Variants in PTPN6 observed in about 807,000 individuals in gnomAD.
PTPN6 encodes tyrosine-protein phosphatase non-receptor type 6.
Under a neutral mutation model 81.5 loss-of-function variants are expected in PTPN6, and 18 were observed. The observed-to-expected ratio is 0.22, with a 90% CI of 0.15 to 0.33. PTPN6 has a LOEUF of 0.33. Ranked by LOEUF, PTPN6 falls within the 10% of genes least tolerant of loss-of-function variation. The pLI, the probability that PTPN6 is intolerant of heterozygous loss-of-function variation, is 1.00. For synonymous variants in PTPN6, 301 were observed against 310.9 expected (o/e 0.97, Z 0.33); for missense variants, 500 against 794.2 (o/e 0.63, Z 4.45).
Position 6,959,853 on chromosome 12 carries a change from G to C in PTPN6, c.1362-74G>C. On this transcript the variant is annotated intron_variant, in intron 11 of 15. Coordinates refer to ENST00000318974, the MANE Select transcript of PTPN6 (RefSeq NM_002831.6). This position sits in a 1 kb window ranked among gnomAD's most constrained non-coding sequence, Gnocchi z 6.6. ...GCTGCTCCTGTGGTGCCTGGGGCTGGAGCTGAGCGCTGGGTACCCCCCTTC... is the reference window on the plus strand; with the variant it reads ...GCTGCTCCTGTGGTGCCTGGGGCTGCAGCTGAGCGCTGGGTACCCCCCTTC... The C allele has an allele frequency of 2.0e-6, 3 of 1,516,112 alleles. No homozygotes were observed. The highest frequency in any genetic ancestry group is 2.7e-6 in the Non-Finnish European group (3 of 1,096,454). 93.9% of individuals were successfully genotyped at this position (1,516,112 alleles called of 1,614,324 possible).
chr12:6,960,457 T>C lies in PTPN6; in HGVS notation c.1673+22T>C, dbSNP rs759052. The stretch of plus-strand genomic sequence containing the variant: ...CCAAGTGAGTGGCCCTGACTGCCAC[T>C]GCCCGGCATCCACCCCTTTGTCCTG... On this transcript the variant is annotated intron_variant, in intron 14 of 15. Coordinates refer to ENST00000318974, the MANE Select transcript of PTPN6 (RefSeq NM_002831.6). The surrounding 1 kb of genome is among the most constrained non-coding windows in gnomAD (Gnocchi z 6.1). The C allele has an allele frequency of 0.86, 1,383,051 of 1,606,846 alleles. 599,355 individuals are homozygous for C. Among genetic ancestry groups the C allele is most frequent in the South Asian group, 0.88 (80,373 of 90,892 alleles).
In PTPN6 at chr12:6,960,330, C is replaced by A; in HGVS notation, c.1582-14C>A. On this transcript the variant is annotated splice_polypyrimidine_tract_variant and intron_variant, in intron 13 of 15. Transcript: ENST00000318974. The surrounding 1 kb of genome is among the most constrained non-coding windows in gnomAD (Gnocchi z 6.1). ...GCTGGGACCACCACCTTCCCACTGT[C>A]CCTCTGCCCACAGTCGCAGAAGGGC... 6.2e-7 allele frequency: 1 copy of A among 1,612,676 alleles called. No homozygotes were observed. The highest frequency in any genetic ancestry group is 8.5e-7 in the Non-Finnish European group (1 of 1,179,788).
Position 6,960,566 on chromosome 12 carries a change from C to T in PTPN6, c.1673+131C>T, listed in dbSNP as rs1368636932. The T allele has an allele frequency of 7.7e-6, 11 of 1,429,960 alleles. No homozygotes were observed. The highest frequency in any genetic ancestry group is 1.1e-5 in the Non-Finnish European group (11 of 1,038,046). The allele number at this position is 1,429,960 out of a possible 1,614,324, so 88.6% of individuals were successfully genotyped here. Reference sequence around the variant, plus strand: ...TCAAGTTCAGGCTTGGTTCTCACCCCTTCTGTTCATAAGCATTTCCTGAGT... The same window carrying T: ...TCAAGTTCAGGCTTGGTTCTCACCCTTTCTGTTCATAAGCATTTCCTGAGT... On this transcript the variant is annotated intron_variant, in intron 14 of 15. Coordinates refer to ENST00000318974, the MANE Select transcript of PTPN6 (RefSeq NM_002831.6). This position sits in a 1 kb window ranked among gnomAD's most constrained non-coding sequence, Gnocchi z 6.1.
In PTPN6 at chr12:6,954,100, C is replaced by A. The variant is rs2138266131; in HGVS notation, c.327-705C>A. 6.6e-6 allele frequency among the ~76,000 whole-genome samples: 1 copy of A among 152,284 alleles called. No individual in the cohort carries two copies. The highest frequency in any genetic ancestry group is 1.5e-5 in the Non-Finnish European group (1 of 68,020). The stretch of plus-strand genomic sequence containing the variant: ...GGCTTAGTTCTGCTTTCTGCCCTGA[C>A]AGCCCCTTCAAATCCGTTTGAACCC... On this transcript the variant is annotated intron_variant, in intron 3 of 15. Coordinates refer to ENST00000318974, the MANE Select transcript of PTPN6 (RefSeq NM_002831.6). The surrounding 1 kb of genome is among the most constrained non-coding windows in gnomAD (Gnocchi z 5.4).
At position 6,957,594 on chromosome 12, in the gene PTPN6, C is replaced by T; in HGVS notation, c.1075-60C>T. The T allele has an allele frequency of 6.3e-7, 1 of 1,592,698 alleles. No individual in the cohort carries two copies. The highest frequency in any genetic ancestry group is 8.6e-7 in the Non-Finnish European group (1 of 1,167,784). On this transcript the variant is annotated intron_variant, in intron 9 of 15. Transcript: ENST00000318974. This position sits in a 1 kb window ranked among gnomAD's most constrained non-coding sequence, Gnocchi z 6.5. ...AGGCACTCAGAACATAGAGCAGGAC[C>T]TGGGATGGGCCACAGTGCCCTGCTC...
chr12:6,954,058 G>T lies in PTPN6; in HGVS notation c.327-747G>T, dbSNP rs1945977222. 6.6e-6 allele frequency among the ~76,000 whole-genome samples: 1 copy of T among 152,170 alleles called. No individual in the cohort carries two copies. Among genetic ancestry groups the T allele is most frequent in the African/African-American group, 2.4e-5 (1 of 41,420 alleles). ...GCTACAGTTTCCTCCTGGGAAAGGG[G>T]TGTGCTTCGGGGAAAGGGCTTAGTT... On this transcript the variant is annotated intron_variant, in intron 3 of 15. Transcript: ENST00000318974. This position sits in a 1 kb window ranked among gnomAD's most constrained non-coding sequence, Gnocchi z 5.4.
chr12:6,955,561 C>T lies in PTPN6; in HGVS notation c.747+76C>T. On this transcript the variant is annotated intron_variant, in intron 6 of 15. Coordinates refer to ENST00000318974, the MANE Select transcript of PTPN6 (RefSeq NM_002831.6). This position sits in a 1 kb window ranked among gnomAD's most constrained non-coding sequence, Gnocchi z 7.2. ...CCTGGGGCCCCAGGCGGACACCTTC[C>T]CCTCCTTGCCCACCTCTGCTCCTGA... is the stretch of plus-strand genomic sequence containing the variant. 6.4e-7 allele frequency: 1 copy of T among 1,556,878 alleles called. No individual in the cohort carries two copies. Among genetic ancestry groups the T allele is most frequent in the Non-Finnish European group, 8.9e-7 (1 of 1,129,132 alleles).
At chr12:6,946,740 G>T (rs368600112), upstream of PTPN6, 5 of 1,612,062 alleles carry the variant, frequency 3.1e-6, no homozygotes, top group African/African-American at 4.0e-5. Flanking sequence ...TGTCCCGTGG[G>T]TAAGTCCCGG....
At position 6,960,462 on chromosome 12, in the gene PTPN6, G is replaced by A. The variant is rs782134966; in HGVS notation, c.1673+27G>A. On this transcript the variant is annotated intron_variant, in intron 14 of 15. Transcript: ENST00000318974. The surrounding 1 kb of genome is among the most constrained non-coding windows in gnomAD (Gnocchi z 6.1). Reference sequence around the variant, plus strand: ...TGAGTGGCCCTGACTGCCACTGCCCGGCATCCACCCCTTTGTCCTGCCCAG... The same window carrying A: ...TGAGTGGCCCTGACTGCCACTGCCCAGCATCCACCCCTTTGTCCTGCCCAG... 31 of 1,599,002 alleles carry A rather than the reference G, an allele frequency of 1.9e-5. No individual in the cohort carries two copies. Among genetic ancestry groups the A allele is most frequent in the African/African-American group, 6.7e-5 (5 of 74,574 alleles).
rs1946014948 is a variant in PTPN6, at chr12:6,955,601, G to C, written c.748-59G>C. The stretch of plus-strand genomic sequence containing the variant: ...TCTGCTCCTGACCCACCCCACGTGA[G>C]CTCCCCCGATGGATGCCCTCTTTGG... On this transcript the variant is annotated intron_variant, in intron 6 of 15. Transcript: ENST00000318974. This position sits in a 1 kb window ranked among gnomAD's most constrained non-coding sequence, Gnocchi z 7.2. 2 of 1,584,844 alleles carry C rather than the reference G, an allele frequency of 1.3e-6. No individual in the cohort carries two copies. The highest frequency in any genetic ancestry group is 1.7e-6 in the Non-Finnish European group (2 of 1,154,060).
At chr12:6,947,750 A>G (rs919495674), upstream of PTPN6, among the ~76,000 whole-genome samples, 2 of 151,248 alleles carry the variant, frequency 1.3e-5, no homozygotes, top group African/African-American at 4.9e-5. Flanking sequence ...TACTAGCTGG[A>G]GGGATCAGGG....
In PTPN6 at chr12:6,960,798, G is replaced by A. The variant is rs368556498; in HGVS notation, c.1674-8G>A. The A allele has an allele frequency of 5.2e-5, 81 of 1,557,512 alleles. No individual in the cohort carries two copies. Among genetic ancestry groups the A allele is most frequent in the Middle Eastern group, 1.7e-4 (1 of 6,006 alleles). Reference sequence around the variant, plus strand: ...TGCCTGTACTTGCCCCCCTGCACCCGGCTGCAGACACAAGGAGGATGTGTA... The same window carrying A: ...TGCCTGTACTTGCCCCCCTGCACCCAGCTGCAGACACAAGGAGGATGTGTA... On this transcript the variant is annotated splice_polypyrimidine_tract_variant and splice_region_variant and intron_variant, in intron 14 of 15. Transcript: ENST00000318974. This position sits in a 1 kb window ranked among gnomAD's most constrained non-coding sequence, Gnocchi z 6.1.
At chr12:6,946,907 C>A (rs1945830854), upstream of PTPN6, among the ~76,000 whole-genome samples, 1 of 152,200 alleles carries the variant, frequency 6.6e-6, no homozygotes, top group South Asian at 2.1e-4. Context: ...GTGAGGACCC[C>A]CGGCTCACTC....
At position 6,956,149 on chromosome 12, in the gene PTPN6, C is replaced by T. The variant is rs1555148629; in HGVS notation, c.852C>T (p.His284=). ...NRYKNILPFD[H]SRVILQGRDS... is the part of the protein sequence containing the mutation. ...CTCTCCGCCCACTCCCAGTTGACCA[C>T]AGCCGAGTGATCCTGCAGGGACGGG... The change falls in exon 8 of 16, where the codon CAC becomes CAT. Residue 284 remains histidine, a synonymous_variant. Coordinates refer to ENST00000318974, the MANE Select transcript of PTPN6 (RefSeq NM_002831.6). The surrounding 1 kb of genome is among the most constrained non-coding windows in gnomAD (Gnocchi z 4.1). 2 of 1,614,208 alleles carry T rather than the reference C, an allele frequency of 1.2e-6. No individual in the cohort carries two copies. The highest frequency in any genetic ancestry group is 1.1e-5 in the South Asian group (1 of 91,084).
At chr12:6,946,764 C>T (rs1555146862), upstream of PTPN6, 5 of 1,606,496 alleles carry the variant, frequency 3.1e-6, no homozygotes, top group African/African-American at 4.0e-5. Context: ...CCATCGGGGT[C>T]CCAGTCTCCT....
At chr12:6,958,612 TG>T (rs2138279708) in intron 11 of PTPN6, among the ~76,000 whole-genome samples, 1 of 152,314 alleles carries the variant, frequency 6.6e-6, no homozygotes, top group African/African-American at 2.4e-5. Context: ...TGTGTGGGGA[TG>T]GGTGATGCTT....
chr12:6,947,668 C>CAA (rs112544780), upstream of PTPN6, among the ~76,000 whole-genome samples: 428 of 64,742 alleles, frequency 6.6e-3, 2 homozygotes, highest in Middle Eastern at 0.03. Flanking sequence ...GACCTTGTCT[C>CAA]AAAAAAAAAA....
upstream of PTPN6, among the ~76,000 whole-genome samples, chr12:6,949,943 G>A (rs1354402017): frequency 3.1e-4 from 16 of 51,574 alleles, no homozygotes; most frequent in Non-Finnish European, 5.0e-4. Context: ...CACCACACCC[G>A]GCTAATCTTT....
Position 6,955,771 on chromosome 12 carries a change from T to A in PTPN6, c.844+15T>A, listed in dbSNP as rs1555148550. The A allele has an allele frequency of 6.2e-7, 1 of 1,611,820 alleles. No homozygotes were observed. Among genetic ancestry groups the A allele is most frequent in the South Asian group, 1.1e-5 (1 of 91,046 alleles). ...CATTCTCCCCTGTGAGCACCCAGGC[T>A]GCCCCATTCACCCAGGATACCGCCC... On this transcript the variant is annotated intron_variant, in intron 7 of 15. Coordinates refer to ENST00000318974, the MANE Select transcript of PTPN6 (RefSeq NM_002831.6). This position sits in a 1 kb window ranked among gnomAD's most constrained non-coding sequence, Gnocchi z 7.2.
Sources: allele counts gnomAD v4.1 joint callset (sites outside exome capture counted in the v4.1 genomes callset), GRCh38; gene constraint gnomAD v4.1.1; non-coding constraint Gnocchi (gnomAD v3.1); transcripts MANE v1.5; gene names NCBI Gene and HGNC (gene_info 2026-07-23, HGNC 2026-07-21).